BCL2L1: variants seen among roughly 807,000 people sequenced by gnomAD.
The protein encoded by BCL2L1 is BCL2 like 1, also known as bcl-2-like protein 1.
Under a neutral mutation model 18.7 loss-of-function variants are expected in BCL2L1, and 1 was observed. That is an observed-to-expected ratio of 0.05 (90% CI 0.02 to 0.25). The LOEUF (loss-of-function observed/expected upper bound fraction) is 0.25, where lower values mean the gene tolerates loss of function less well. BCL2L1 is among the 10% of genes least tolerant of loss of function. The probability of loss-of-function intolerance (pLI) is 1.00; values close to 1 mark genes in which losing one functional copy is unlikely to be tolerated. For missense variants in BCL2L1, 207 were observed against 304.9 expected, an observed-to-expected ratio of 0.68 and a Z score of 2.39; for synonymous variants, 103 against 122.7, an observed-to-expected ratio of 0.84 and a Z score of 1.06.
chr20:31,681,085 G>A (rs995943491), intron 2 of BCL2L1, among the ~76,000 whole-genome samples: 1 of 152,242 alleles, frequency 6.6e-6, no homozygotes, highest in East Asian at 1.9e-4. Context: ...TGAGGAGACT[G>A]GTGGTGATGA....
At chr20:31,672,963 G>A (rs1265432229) in intron 2 of BCL2L1, among the ~76,000 whole-genome samples, 1 of 151,394 alleles carries the variant, frequency 6.6e-6, no homozygotes, top group Non-Finnish European at 1.5e-5. Context: ...GTCTTCCAAA[G>A]TACTGGGATT....
chr20:31,700,948 G>T (rs766244197), intron 2 of BCL2L1, among the ~76,000 whole-genome samples: 6 of 152,218 alleles, frequency 3.9e-5, no homozygotes, highest in Non-Finnish European at 8.8e-5. Flanking sequence ...AAAAAGAGGA[G>T]ATCGTGTTGC....
chr20:31,682,621 T>C (rs928345970), intron 2 of BCL2L1, among the ~76,000 whole-genome samples: 3 of 151,930 alleles, frequency 2.0e-5, no homozygotes, highest in Non-Finnish European at 4.4e-5. Flanking sequence ...AATTTTTTTT[T>C]CTTTTTCTTT....
chr20:31,695,501 C>CGAG (rs2061152460), intron 2 of BCL2L1, among the ~76,000 whole-genome samples: 3 of 152,218 alleles, frequency 2.0e-5, no homozygotes, highest in Non-Finnish European at 4.4e-5. Flanking sequence ...AGGTCTTGCT[C>CGAG]TGTCAGCCAG....
At chr20:31,666,808 G>C (rs996400345) in intron 2 of BCL2L1, among the ~76,000 whole-genome samples, 1 of 152,124 alleles carries the variant, frequency 6.6e-6, no homozygotes. Flanking sequence ...CACTGCAGGG[G>C]GTGTGACTCT....
At chr20:31,703,287 C>T (rs2061313499) in intron 2 of BCL2L1, among the ~76,000 whole-genome samples, 1 of 151,854 alleles carries the variant, frequency 6.6e-6, no homozygotes, top group South Asian at 2.1e-4. Flanking sequence ...CAGGTGATCA[C>T]CCGCCTTGGT....
At chr20:31,717,823 A>T (rs1349241758) in intron 2 of BCL2L1, among the ~76,000 whole-genome samples, 1 of 152,240 alleles carries the variant, frequency 6.6e-6, no homozygotes, top group Non-Finnish European at 1.5e-5. Flanking sequence ...CCCAACAATT[A>T]CGTTTCTATC....
chr20:31,679,703 G>A (rs546608642), intron 2 of BCL2L1, among the ~76,000 whole-genome samples: 3 of 152,276 alleles, frequency 2.0e-5, no homozygotes, highest in South Asian at 4.1e-4. Context: ...TGTCTCTGTC[G>A]CCCAGGCTGG....
chr20:31,714,314 T>C (rs527245394), intron 2 of BCL2L1, among the ~76,000 whole-genome samples: 1 of 152,278 alleles, frequency 6.6e-6, no homozygotes, highest in African/African-American at 2.4e-5. Context: ...AGAGTAGAAC[T>C]GGGATTCCAA....
chr20:31,671,924 CTATATAT>C (rs1418798158), intron 2 of BCL2L1, among the ~76,000 whole-genome samples: 4 of 143,624 alleles, frequency 2.8e-5, no homozygotes, highest in Admixed American at 1.4e-4. Flanking sequence ...TTTACATATA[CTATATAT>C]TATATATTAT....
chr20:31,700,768 T>C (rs1341892640), intron 2 of BCL2L1, among the ~76,000 whole-genome samples: 2 of 152,228 alleles, frequency 1.3e-5, no homozygotes, highest in Admixed American at 1.3e-4. Context: ...TATTATGTCT[T>C]TTCTCTCTAA....
intron 2 of BCL2L1, among the ~76,000 whole-genome samples, chr20:31,685,662 G>A (rs1031266879): frequency 1.3e-5 from 2 of 152,296 alleles, no homozygotes; most frequent in South Asian, 4.1e-4. Context: ...GAAAAGTGTG[G>A]AGGATGGATC....
chr20:31,693,059 G>A (rs1235739785), intron 2 of BCL2L1, among the ~76,000 whole-genome samples: 2 of 147,880 alleles, frequency 1.4e-5, no homozygotes, highest in African/African-American at 5.0e-5. Flanking sequence ...CGAGAAAGTG[G>A]GACCGTCTCA....
In BCL2L1 at chr20:31,708,272, G is replaced by C. The variant is rs546455512; in HGVS notation, c.564+13383C>G. Among the ~76,000 whole-genome samples, 231 of 152,252 alleles carry C rather than the reference G, an allele frequency of 1.5e-3. 2 individuals are homozygous for C. The highest frequency in any genetic ancestry group is 2.7e-3 in the Non-Finnish European group (186 of 68,020). On this transcript the variant is annotated intron_variant, in intron 2 of 2. Coordinates refer to ENST00000307677, the MANE Select transcript of BCL2L1 (RefSeq NM_138578.3). ...TGGGAGTATTTTCTCCCTGGGGTTG[G>C]GGGGCACACACAAGGGAAGAAGCAG...
chr20:31,668,225 C>T (rs892576078), intron 2 of BCL2L1, among the ~76,000 whole-genome samples: 1 of 152,070 alleles, frequency 6.6e-6, no homozygotes, highest in African/African-American at 2.4e-5. Context: ...CAAATGTCAC[C>T]TCCTAGGGGA....
rs768665664 is a variant in BCL2L1 at position 31,666,025 on chromosome 20, C to T, written c.626G>A (p.Arg209His). The change falls in exon 3 of 3, where the codon CGC becomes CAC. Residue 209 changes from arginine to histidine, a missense_variant. Transcript: ENST00000307677. ...AAAESRKGQERFNRWFLTGMT... is the reference protein window; with the variant it reads ...AAAESRKGQEHFNRWFLTGMT... ...GCCCGTCAGGAACCAGCGGTTGAAG[C>T]GTTCCTGGCCCTTTCGGCTCTCGGC... 6.8e-6 allele frequency: 11 copies of T among 1,614,140 alleles called. No individual in the cohort carries two copies. The highest frequency in any genetic ancestry group is 2.2e-5 in the East Asian group (1 of 44,876).
At chr20:31,669,571 GC>G (rs1390181449) in intron 2 of BCL2L1, among the ~76,000 whole-genome samples, 1 of 151,240 alleles carries the variant, frequency 6.6e-6, no homozygotes, top group Non-Finnish European at 1.5e-5. Context: ...TCCTGCCTCA[GC>G]CCCCCGAGTA....
intron 2 of BCL2L1, among the ~76,000 whole-genome samples, chr20:31,707,858 G>A (rs2061393879): frequency 6.6e-6 from 1 of 152,074 alleles, no homozygotes; most frequent in African/African-American, 2.4e-5. Context: ...ACTAAGGCTG[G>A]GAAAGATTAA....
chr20:31,693,416 C>T (rs1041966540), intron 2 of BCL2L1, among the ~76,000 whole-genome samples: 2 of 152,022 alleles, frequency 1.3e-5, no homozygotes, highest in African/African-American at 4.8e-5. Context: ...CCACTGCACT[C>T]TAGCCTGGTT....
Sources: allele counts gnomAD v4.1 joint callset (sites outside exome capture counted in the v4.1 genomes callset), GRCh38; gene constraint gnomAD v4.1.1; transcripts MANE v1.5; gene names NCBI Gene and HGNC (gene_info 2026-07-23, HGNC 2026-07-21).